Variants in SLC14A2 observed in about 807,000 individuals in gnomAD.
SLC14A2 encodes solute carrier family 14 member 2.
A neutral mutation model predicts 104.6 loss-of-function variants in SLC14A2; 91 were observed. The ratio of observed to expected loss-of-function variants is 0.87; its 90% CI spans 0.73 to 1.04. The LOEUF (loss-of-function observed/expected upper bound fraction) is 1.04. Among genes scored for constraint, SLC14A2 ranks in the 50% least tolerant of loss-of-function variants. SLC14A2 has a pLI of 0.00. For synonymous variants in SLC14A2, 476 were observed against 466.4 expected, an observed-to-expected ratio of 1.02 and a Z score of -0.27; for missense variants, 1,189 against 1,156.0, an observed-to-expected ratio of 1.03 and a Z score of -0.41.
the SLC14A2 span, among the ~76,000 whole-genome samples, chr18:45,178,232 A>C: frequency 2.0e-5 from 3 of 152,216 alleles, no homozygotes; most frequent in Non-Finnish European, 2.9e-5. Flanking sequence ...ACAGCTATGA[A>C]AAACCATTTA....
intron 2 of SLC14A2, among the ~76,000 whole-genome samples, chr18:45,502,933 A>G (rs1288542961): frequency 6.6e-6 from 1 of 151,340 alleles, no homozygotes; most frequent in East Asian, 1.9e-4. Context: ...TTTTTTAAGG[A>G]ATGATCAATA....
At chr18:45,544,815 G>A (rs543298767) in intron 2 of SLC14A2, among the ~76,000 whole-genome samples, 5 of 113,516 alleles carry the variant, frequency 4.4e-5, no homozygotes, top group African/African-American at 1.4e-4. Context: ...TTTTTGAGAC[G>A]GAGTTTCATT....
chr18:45,669,629 A>G (rs532745564), intron 16 of SLC14A2, 131 bp downstream of exon 16: 139 of 725,576 alleles, frequency 1.9e-4, no homozygotes, highest in South Asian at 3.5e-4. Context: ...CATTCTACAT[A>G]TATATCTCAT....
intron 1 of SLC14A2, among the ~76,000 whole-genome samples, chr18:45,240,091 CTTTTTTTTTT>C (rs763802776): frequency 1.7e-4 from 15 of 89,652 alleles, no homozygotes; most frequent in African/African-American, 7.4e-4. Context: ...GCAAATATCT[CTTTTTTTTTT>C]TTTTTTTTTT....
chr18:45,343,434 C>A (rs1482132315), intron 1 of SLC14A2, among the ~76,000 whole-genome samples: 1 of 152,066 alleles, frequency 6.6e-6, no homozygotes, highest in African/African-American at 2.4e-5. Context: ...TCTCTCCTCT[C>A]ACCTCACTAC....
chr18:45,357,519 G>A (rs1234325891), intron 1 of SLC14A2, among the ~76,000 whole-genome samples: 1 of 152,110 alleles, frequency 6.6e-6, no homozygotes, highest in Non-Finnish European at 1.5e-5. Context: ...GCTTCAGTTA[G>A]ACATGATAGC....
intron 10 of SLC14A2, among the ~76,000 whole-genome samples, chr18:45,650,655 T>A (rs1004822127): frequency 1.3e-5 from 2 of 152,218 alleles, no homozygotes; most frequent in Non-Finnish European, 2.9e-5. Flanking sequence ...AGGTGAATAG[T>A]CTCACCTGAG....
intron 1 of SLC14A2, among the ~76,000 whole-genome samples, chr18:45,451,554 T>A (rs939054643): frequency 2.6e-5 from 4 of 152,094 alleles, no homozygotes; most frequent in Non-Finnish European, 5.9e-5. Context: ...TGTATGAAAT[T>A]TTCTTATTCC....
chr18:45,322,601 C>A (rs188378177), intron 1 of SLC14A2, among the ~76,000 whole-genome samples: 187 of 152,314 alleles, frequency 1.2e-3, no homozygotes, highest in African/African-American at 4.3e-3. Flanking sequence ...TCCTGATCTA[C>A]CACCTCCTCT....
intron 1 of SLC14A2, among the ~76,000 whole-genome samples, chr18:45,354,170 C>G (rs1197486316): frequency 6.6e-6 from 1 of 152,192 alleles, no homozygotes; most frequent in Non-Finnish European, 1.5e-5. Flanking sequence ...ATTACCTACA[C>G]TATAACCAGT....
intron 1 of SLC14A2, among the ~76,000 whole-genome samples, chr18:45,235,731 A>G (rs1406775881): frequency 6.6e-6 from 1 of 150,610 alleles, no homozygotes; most frequent in South Asian, 2.1e-4. Flanking sequence ...GGCCTCATCC[A>G]TGTTGCTGCA....
At chr18:45,485,805 T>G (rs1423378495) in intron 2 of SLC14A2, among the ~76,000 whole-genome samples, 3 of 152,154 alleles carry the variant, frequency 2.0e-5, no homozygotes, top group South Asian at 4.1e-4. Context: ...TGTAAAGTCT[T>G]TGGAGACTGT....
chr18:45,206,703 C>T, the SLC14A2 span, among the ~76,000 whole-genome samples: 1 of 152,138 alleles, frequency 6.6e-6, no homozygotes, highest in Non-Finnish European at 1.5e-5. Flanking sequence ...CAGTTGAGTG[C>T]CATACAAGGC....
At chr18:45,184,435 C>A in the SLC14A2 span, among the ~76,000 whole-genome samples, 1 of 152,082 alleles carries the variant, frequency 6.6e-6, no homozygotes, top group Non-Finnish European at 1.5e-5. Flanking sequence ...ATGTCATCAC[C>A]AATCAGGAGA....
intron 7 of SLC14A2, 98 bp downstream of exon 7, chr18:45,639,991 C>A: frequency 1.7e-6 from 2 of 1,192,594 alleles, no homozygotes; most frequent in Non-Finnish European, 2.3e-6. Context: ...CTCTTCCCTG[C>A]AGTTTTAAAT....
intron 1 of SLC14A2, among the ~76,000 whole-genome samples, chr18:45,293,463 G>C (rs977440861): frequency 6.6e-5 from 10 of 152,034 alleles, no homozygotes; most frequent in Admixed American, 2.0e-4. Context: ...CAGAGACAAT[G>C]AGAGAGACTA....
At chr18:45,493,652 TTAGCCACA>T (rs1447042812) in intron 2 of SLC14A2, among the ~76,000 whole-genome samples, 9 of 152,218 alleles carry the variant, frequency 5.9e-5, no homozygotes, top group African/African-American at 2.2e-4. Flanking sequence ...AATAAGCATT[TTAGCCACA>T]TGGCTGGAAT....
chr18:45,413,254 T>G (rs1469449326), intron 1 of SLC14A2, among the ~76,000 whole-genome samples: 2 of 152,180 alleles, frequency 1.3e-5, no homozygotes, highest in African/African-American at 2.4e-5. Flanking sequence ...TAAGCAAATT[T>G]GTTGCGGAGA....
intron 1 of SLC14A2, among the ~76,000 whole-genome samples, chr18:45,266,837 G>A (rs1196325900): frequency 6.6e-6 from 1 of 152,110 alleles, no homozygotes; most frequent in Non-Finnish European, 1.5e-5. Context: ...TATAGGTCAG[G>A]GGTAAGGAAT....
Sources: gnomAD v4.1 joint callset for allele counts (sites outside exome capture counted in the v4.1 genomes callset) on GRCh38, gnomAD v4.1.1 for gene constraint, MANE v1.5 for transcripts, NCBI Gene and HGNC (gene_info 2026-07-23, HGNC 2026-07-21) for gene names.